Variants in ITPA observed in about 807,000 individuals in gnomAD.
ITPA encodes the protein inosine triphosphate pyrophosphatase.
In ITPA, 29 loss-of-function variants were observed where a neutral mutation model predicts 29.6. The observed-to-expected ratio is 0.98, with a 90% CI of 0.73 to 1.34. The LOEUF is 1.34. ITPA is among the 40% of genes most tolerant of loss of function. ITPA has a pLI of 0.00. For missense variants in ITPA, 241 were observed against 251.5 expected (o/e 0.96, Z 0.28); for synonymous variants, 103 against 99.3 (o/e 1.04, Z -0.22).
At chr20:3,214,239 G>A (rs894281173) in intron 4 of ITPA, among the ~76,000 whole-genome samples, 181 bp downstream of exon 4, 39 of 152,144 alleles carry the variant, frequency 2.6e-4, no homozygotes, top group African/African-American at 8.4e-4. Context: ...GTGAGAATGC[G>A]ACCTGTAAGT....
chr20:3,213,505 CCT>C, intron 3 of ITPA, 122 bp downstream of exon 3: 1 of 1,172,490 alleles, frequency 8.5e-7, no homozygotes, highest in Non-Finnish European at 1.2e-6. Context: ...GGCCCAGAGT[CCT>C]CTAGGGTTCA....
downstream of ITPA, among the ~76,000 whole-genome samples, chr20:3,224,631 G>A (rs1015799698): frequency 6.6e-6 from 1 of 152,232 alleles, no homozygotes; most frequent in African/African-American, 2.4e-5. Flanking sequence ...GCCTCCTTGT[G>A]GGTGGGAGAT....
At position 3,209,568 on chromosome 20, in the gene ITPA, T is replaced by A. The variant is rs1255659939; in HGVS notation, c.17T>A (p.Val6Glu). The change falls in exon 1 of 8, where the codon GTG becomes GAG. Residue 6 changes from valine (V) to glutamate (E), a missense_variant. By Grantham distance (121) the Val-to-Glu change is moderately radical. Transcript: ENST00000380113. This position sits in a 1 kb window ranked among gnomAD's most constrained non-coding sequence, Gnocchi z 4.6. MAASL[V>E]GKKIVFVTGN... Reference sequence around the variant, plus strand: ...GGGATCACCATGGCGGCCTCATTGGTGGGGAAGAAGATCGTGTTTGTAACG... The same window carrying A: ...GGGATCACCATGGCGGCCTCATTGGAGGGGAAGAAGATCGTGTTTGTAACG... The A allele has an allele frequency of 1.2e-6, 2 of 1,613,502 alleles. No homozygotes were observed. Among genetic ancestry groups the A allele is most frequent in the African/African-American group, 2.7e-5 (2 of 74,748 alleles).
chr20:3,213,257 G>A (rs756551860), intron 2 of ITPA, 31 bp downstream of exon 2: 2 of 1,614,072 alleles, frequency 1.2e-6, no homozygotes, highest in Non-Finnish European at 1.7e-6. Flanking sequence ...ATTTTTAAAA[G>A]ATGGTTGGAT....
intron 7 of ITPA, 63 bp from the exon 8 acceptor site, chr20:3,223,303 T>TA: frequency 8.4e-7 from 1 of 1,197,496 alleles, no homozygotes; most frequent in Non-Finnish European, 1.2e-6. Flanking sequence ...TGAGGTAGGG[T>TA]TGGGAGGGGG....
rs1339641819 is a variant in ITPA at position 3,218,638 on chromosome 20, T to C, written c.411+6T>C. 3 of 1,604,464 alleles carry C rather than the reference T, an allele frequency of 1.9e-6. No homozygotes were observed. Among genetic ancestry groups the C allele is most frequent in the Admixed American group, 3.3e-5 (2 of 59,970 alleles). ...TGTTCAGGGGCCGGACCTCGGTGCG[T>C]ACCCACCTTGATGCAGTTCCCGCCG... On this transcript the variant is annotated splice_donor_region_variant and intron_variant, in intron 6 of 7. Coordinates refer to ENST00000380113, the MANE Select transcript of ITPA (RefSeq NM_033453.4).
At chr20:3,225,156 T>C (rs1030023246), downstream of ITPA, among the ~76,000 whole-genome samples, 67 of 152,152 alleles carry the variant, frequency 4.4e-4, no homozygotes, top group African/African-American at 1.5e-3. Flanking sequence ...TGAGCCGTGA[T>C]TGCGCCACTG....
chr20:3,226,388 A>G (rs766393284), downstream of ITPA, among the ~76,000 whole-genome samples: 2 of 152,008 alleles, frequency 1.3e-5, no homozygotes, highest in Non-Finnish European at 2.9e-5. This position sits in a 1 kb window ranked among gnomAD's most constrained non-coding sequence, Gnocchi z 4.4. Context: ...GTTTCTCCAC[A>G]CTCGCTACCC....
upstream of ITPA, chr20:3,204,469 C>G (rs1160715885): frequency 6.2e-6 from 9 of 1,462,712 alleles, no homozygotes; most frequent in African/African-American, 1.3e-4. Context: ...CGCGGCGCGA[C>G]GGTCCACAAA....
At chr20:3,226,926 C>T (rs1050966956), downstream of ITPA, among the ~76,000 whole-genome samples, 2 of 152,208 alleles carry the variant, frequency 1.3e-5, no homozygotes, top group Admixed American at 6.5e-5. The surrounding 1 kb of genome is among the most constrained non-coding windows in gnomAD (Gnocchi z 4.4). Flanking sequence ...ATTCCCACCC[C>T]GTGTCCTGCC....
chr20:3,210,463 A>G (rs962931075), intron 1 of ITPA, among the ~76,000 whole-genome samples: 7 of 152,148 alleles, frequency 4.6e-5, no homozygotes, highest in African/African-American at 1.7e-4. Flanking sequence ...AGCCATAGCC[A>G]TGGAGTGGGG....
chr20:3,226,565 A>G (rs542139193), downstream of ITPA, among the ~76,000 whole-genome samples: 1 of 150,990 alleles, frequency 6.6e-6, no homozygotes, highest in South Asian at 2.1e-4. This position sits in a 1 kb window ranked among gnomAD's most constrained non-coding sequence, Gnocchi z 4.4. Context: ...ACCTCTCGCT[A>G]CTCCTGTTAC....
intron 4 of ITPA, 66 bp downstream of exon 4, chr20:3,214,124 G>A: frequency 7.4e-7 from 1 of 1,350,180 alleles, no homozygotes; most frequent in Non-Finnish European, 1.1e-6. Flanking sequence ...GCAAAATGAT[G>A]AGGTACCTGA....
upstream of ITPA, chr20:3,204,762 T>G (rs983042178): frequency 8.7e-6 from 7 of 801,852 alleles, no homozygotes; most frequent in African/African-American, 5.2e-5. Flanking sequence ...GAGGCTTTAA[T>G]GTCAGACATT....
rs140777194 is a variant in ITPA at position 3,218,618 on chromosome 20, A to G, written c.397A>G (p.Arg133Gly). Residue 133 changes from arginine (R) to glycine (G), a missense_variant, in exon 6 of 8, where the codon AGG becomes GGG. Physicochemically the swap from Arg to Gly is moderately radical, Grantham distance 125 (BLOSUM62 -2). Transcript: ENST00000380113. Reference protein sequence around the residue: ...GDPSQPVRLFRGRTSGRIVAP... With the variant: ...GDPSQPVRLFGGRTSGRIVAP... ...CCCAAGCCAGCCCGTGCGCCTGTTC[A>G]GGGGCCGGACCTCGGTGCGTACCCA... The G allele has an allele frequency of 7.3e-5, 117 of 1,613,022 alleles. No homozygotes were observed. In the African/African-American group the frequency reaches 1.4e-3, roughly 20 times the overall value.
intron 5 of ITPA, among the ~76,000 whole-genome samples, chr20:3,216,160 T>G (rs1279483295): frequency 1.4e-5 from 2 of 145,268 alleles, no homozygotes; most frequent in Non-Finnish European, 3.0e-5. Context: ...TGGCTAAGTT[T>G]TTTTTTTTTT....
intron 4 of ITPA, among the ~76,000 whole-genome samples, chr20:3,214,637 T>C (rs2067252240): frequency 1.3e-5 from 2 of 152,090 alleles, no homozygotes; most frequent in South Asian, 4.1e-4. Context: ...TGGAGTGCAG[T>C]GGCGCGATCT....
At chr20:3,221,960 C>T (rs748928845) in intron 7 of ITPA, 43 bp downstream of exon 7, 5 of 1,591,802 alleles carry the variant, frequency 3.1e-6, no homozygotes, top group South Asian at 1.1e-5. Context: ...GGGGTTGGTA[C>T]AGCCATGGTT....
At chr20:3,208,706 G>A (rs1431306386), upstream of ITPA, among the ~76,000 whole-genome samples, 3 of 152,192 alleles carry the variant, frequency 2.0e-5, no homozygotes, top group Non-Finnish European at 4.4e-5. Context: ...ATGGCCTGAG[G>A]AGCTTGGTAA....
Sources: allele counts gnomAD v4.1 joint callset (sites outside exome capture counted in the v4.1 genomes callset), GRCh38; gene constraint gnomAD v4.1.1; non-coding constraint Gnocchi (gnomAD v3.1); transcripts MANE v1.5; gene names NCBI Gene and HGNC (gene_info 2026-07-23, HGNC 2026-07-21).